The following TEX9 variants were observed in gnomAD, a reference collection of about 807,000 sequenced individuals.
The protein encoded by TEX9 is testis expressed 9, also known as testis-expressed protein 9.
In TEX9, 74 loss-of-function variants were observed where a neutral mutation model predicts 59.6. That is an observed-to-expected ratio of 1.24 (90% CI 1.03 to 1.51). The LOEUF (loss-of-function observed/expected upper bound fraction) is 1.51, where lower values mean the gene tolerates loss of function less well. TEX9 is among the 40% of genes most tolerant of loss of function. The pLI, the probability that TEX9 is intolerant of heterozygous loss-of-function variation, is 0.00. For synonymous variants in TEX9, 186 were observed against 152.2 expected (o/e 1.22, Z -1.64); for missense variants, 522 against 447.8 (o/e 1.17, Z -1.49).
exon 7 of TEX9, chr15:56,391,275 C>A: frequency 6.3e-7 from 1 of 1,580,264 alleles, no homozygotes; most frequent in Middle Eastern, 1.7e-4. Context: ...GTCCAAACTG[C>A]CGACGATGTT....
At chr15:56,446,932 C>G (rs768217228), downstream of TEX9, 30 of 1,607,486 alleles carry the variant, frequency 1.9e-5, no homozygotes, top group East Asian at 3.1e-4. Flanking sequence ...CTCCAATTCT[C>G]TAAGCTCAAT....
intron 12 of TEX9, chr15:56,444,583 C>CTTTTGT (rs1567151510): frequency 3.1e-6 from 5 of 1,612,922 alleles, no homozygotes; most frequent in Non-Finnish European, 2.5e-6. Flanking sequence ...TGTGCTTTCG[C>CTTTTGT]TTTGTTTCGT....
intron 1 of TEX9, among the ~76,000 whole-genome samples, chr15:56,315,584 T>A (rs28830872): frequency 0.03 from 4,546 of 149,912 alleles, 187 homozygotes; most frequent in East Asian, 0.092. Context: ...GCCCTTAACA[T>A]TTTTTCCTTC....
At chr15:56,442,731 T>G (rs2050840224) in intron 12 of TEX9, among the ~76,000 whole-genome samples, 1 of 152,110 alleles carries the variant, frequency 6.6e-6, no homozygotes, top group African/African-American at 2.4e-5. Flanking sequence ...CACTGGGGCC[T>G]ACTTGAGGGT....
intron 1 of TEX9, among the ~76,000 whole-genome samples, chr15:56,318,124 C>T (rs2045820723): frequency 6.6e-6 from 1 of 152,084 alleles, no homozygotes; most frequent in Non-Finnish European, 1.5e-5. Context: ...CTTCAATTCT[C>T]TCAATCTTTG....
chr15:56,361,886 C>A (rs2046796132), upstream of TEX9, among the ~76,000 whole-genome samples: 1 of 152,116 alleles, frequency 6.6e-6, no homozygotes, highest in Non-Finnish European at 1.5e-5. Flanking sequence ...AGAGTCTCCC[C>A]TGCAGGTTTC....
At chr15:56,338,667 A>G (rs1292761951) in intron 1 of TEX9, among the ~76,000 whole-genome samples, 1 of 152,222 alleles carries the variant, frequency 6.6e-6, no homozygotes, top group Non-Finnish European at 1.5e-5. Context: ...CTGTAATCCC[A>G]GCACTTTGGG....
chr15:56,296,644 T>C (rs768924142), intron 1 of TEX9, among the ~76,000 whole-genome samples: 4 of 152,230 alleles, frequency 2.6e-5, no homozygotes, highest in Non-Finnish European at 4.4e-5. Context: ...ATTGTCTGTA[T>C]TGGGAAAAGC....
chr15:56,315,797 G>A (rs2045742437), intron 1 of TEX9, among the ~76,000 whole-genome samples: 1 of 148,210 alleles, frequency 6.7e-6, no homozygotes, highest in Middle Eastern at 3.4e-3. Flanking sequence ...CCAATCAGAT[G>A]TAGATTTGGT....
At chr15:56,260,062 C>T (rs2044228868) in intron 1 of TEX9, among the ~76,000 whole-genome samples, 1 of 152,008 alleles carries the variant, frequency 6.6e-6, no homozygotes, top group South Asian at 2.1e-4. Flanking sequence ...TTTGCAAACA[C>T]ATACAAATAC....
At chr15:56,323,511 C>A in intron 1 of TEX9, 1 of 196,374 alleles carries the variant, frequency 5.1e-6, no homozygotes, top group South Asian at 1.1e-4. Context: ...AAATGACAAG[C>A]AGCCTTATGA....
intron 8 of TEX9, chr15:56,394,460 A>G (rs1367748611): frequency 1.6e-6 from 1 of 626,984 alleles, no homozygotes; most frequent in Non-Finnish European, 2.7e-6. Flanking sequence ...AATTCTCTAT[A>G]TTAGTCTTAC....
intron 12 of TEX9, among the ~76,000 whole-genome samples, chr15:56,432,232 G>T (rs1596251328): frequency 6.6e-6 from 1 of 152,260 alleles, no homozygotes; most frequent in East Asian, 1.9e-4. Context: ...GGATCTGGCA[G>T]GCCACATTCA....
intron 10 of TEX9, among the ~76,000 whole-genome samples, chr15:56,424,396 G>T (rs79625626): frequency 0.028 from 4,191 of 152,134 alleles, 194 homozygotes; most frequent in African/African-American, 0.095. Context: ...AAAGTTAGTT[G>T]CATGTAGACA....
chr15:56,292,926 A>T lies in TEX9; in HGVS notation c.-107+48648A>T, dbSNP rs565549326. Reference sequence around the variant, plus strand: ...ATTTTTGTGCTTAGCTTCTTTCCCTATGCTATCCTGCTTCCCTCATATCCT... The same window carrying T: ...ATTTTTGTGCTTAGCTTCTTTCCCTTTGCTATCCTGCTTCCCTCATATCCT... On this transcript the variant is annotated intron_variant, in intron 1 of 5. Coordinates refer to the TEX9 transcript ENST00000560827. Among the ~76,000 whole-genome samples, 317 of 152,256 alleles carry T rather than the reference A, an allele frequency of 2.1e-3. 1 individual carries two copies. Among genetic ancestry groups the T allele is most frequent in the Non-Finnish European group, 3.6e-3 (246 of 68,026 alleles).
intron 1 of TEX9, among the ~76,000 whole-genome samples, chr15:56,306,257 C>CAAAAAAAAAAAAAAAAAAAA (rs55882329): frequency 6.3e-5 from 5 of 79,432 alleles, no homozygotes; most frequent in Non-Finnish European, 9.1e-5. Context: ...AGGTACATAG[C>CAAAAAAAAAAAAAAAAAAAA]AAAAAAAAAA....
At chr15:56,331,344 G>C (rs1271210970) in intron 1 of TEX9, among the ~76,000 whole-genome samples, 1 of 152,150 alleles carries the variant, frequency 6.6e-6, no homozygotes, top group African/African-American at 2.4e-5. Context: ...AAGGGCTGCA[G>C]AATACGCATT....
Position 56,294,516 on chromosome 15 carries a change from A to G in TEX9, c.-107+50238A>G, listed in dbSNP as rs549824656. On this transcript the variant is annotated intron_variant, in intron 1 of 5. Transcript: ENST00000560827. The stretch of plus-strand genomic sequence containing the variant: ...CCTGTACTGTTTTTATCTCTGGCCA[A>G]TGATTTTCTAATGTTAAAATATTCC... Among the ~76,000 whole-genome samples the G allele has an allele frequency of 2.9e-4, 44 of 152,314 alleles. No individual in the cohort carries two copies. In the South Asian group the frequency reaches 8.7e-3, roughly 30 times the overall value.
chr15:56,431,365 T>C (rs1481085842), intron 12 of TEX9: 1 of 1,609,254 alleles, frequency 6.2e-7, no homozygotes, highest in African/African-American at 1.3e-5. Context: ...GAGATAAATC[T>C]CACTTACTTT....
Sources: allele counts gnomAD v4.1 joint callset (sites outside exome capture counted in the v4.1 genomes callset), GRCh38; gene constraint gnomAD v4.1.1; transcripts MANE v1.5; gene names NCBI Gene and HGNC (gene_info 2026-07-23, HGNC 2026-07-21).